FHL2: variants seen among roughly 807,000 people sequenced by gnomAD.
FHL2 encodes the protein four and a half LIM domains 2.
Under a neutral mutation model 32.7 loss-of-function variants are expected in FHL2, and 20 were observed. The ratio of observed to expected loss-of-function variants is 0.61; its 90% CI spans 0.43 to 0.89. The LOEUF (loss-of-function observed/expected upper bound fraction) is 0.89, where lower values mean the gene tolerates loss of function less well. FHL2 is among the 40% of genes least tolerant of loss of function. The pLI is 0.00. For synonymous variants in FHL2, 123 were observed against 128.1 expected, an observed-to-expected ratio of 0.96 and a Z score of 0.27; for missense variants, 311 against 358.6, an observed-to-expected ratio of 0.87 and a Z score of 1.07.
intron 1 of FHL2, among the ~76,000 whole-genome samples, chr2:105,404,831 T>G (rs1375436360): frequency 6.6e-6 from 1 of 152,218 alleles, no homozygotes; most frequent in African/African-American, 2.4e-5. Context: ...CCCTCTCTCC[T>G]TTTTCACAAA....
intron 1 of FHL2, among the ~76,000 whole-genome samples, chr2:105,430,834 A>G (rs985275964): frequency 1.3e-5 from 2 of 152,240 alleles, no homozygotes; most frequent in Non-Finnish European, 2.9e-5. Context: ...TACAGAGGCC[A>G]AGATGAATCA....
intron 4 of FHL2, among the ~76,000 whole-genome samples, chr2:105,372,877 C>T (rs1405405495): frequency 6.6e-6 from 1 of 152,164 alleles, no homozygotes; most frequent in Non-Finnish European, 1.5e-5. Context: ...TTTTGAAATT[C>T]CACATATTTT....
intron 2 of FHL2, among the ~76,000 whole-genome samples, chr2:105,394,173 C>A (rs1682948996): frequency 6.6e-6 from 1 of 152,166 alleles, no homozygotes; most frequent in African/African-American, 2.4e-5. Context: ...CGCTCACCCC[C>A]AACACTCTTC....
At chr2:105,379,812 C>G (rs971624365) in intron 3 of FHL2, among the ~76,000 whole-genome samples, 2 of 152,236 alleles carry the variant, frequency 1.3e-5, no homozygotes, top group African/African-American at 4.8e-5. Context: ...GGCTGCAAGT[C>G]CCAGCTGAAA....
chr2:105,412,895 G>A (rs1478096725), intron 1 of FHL2, among the ~76,000 whole-genome samples: 1 of 152,198 alleles, frequency 6.6e-6, no homozygotes, highest in African/African-American at 2.4e-5. Flanking sequence ...GCACATTGCA[G>A]TGGGCTGAGG....
intron 1 of FHL2, among the ~76,000 whole-genome samples, chr2:105,435,642 C>T (rs1444807403): frequency 3.3e-5 from 5 of 151,874 alleles, no homozygotes; most frequent in Non-Finnish European, 5.9e-5. Flanking sequence ...GCCAACATGA[C>T]GAAACACTGT....
intron 3 of FHL2, chr2:105,377,985 T>C: frequency 2.2e-6 from 1 of 458,498 alleles, no homozygotes; most frequent in South Asian, 1.6e-5. Context: ...AATTTGCCTT[T>C]TGGGACTGAC....
At chr2:105,423,490 C>G (rs926556462) in intron 1 of FHL2, among the ~76,000 whole-genome samples, 1 of 152,188 alleles carries the variant, frequency 6.6e-6, no homozygotes, top group African/African-American at 2.4e-5. Flanking sequence ...TGATAGACAA[C>G]AGTTGCTTCT....
chr2:105,389,397 C>T (rs1682555736), intron 2 of FHL2, among the ~76,000 whole-genome samples: 1 of 152,166 alleles, frequency 6.6e-6, no homozygotes. Context: ...CAATTGAGAG[C>T]TGTTTTTCCA....
At chr2:105,376,910 C>T (rs951833132) in intron 3 of FHL2, among the ~76,000 whole-genome samples, 6 of 152,320 alleles carry the variant, frequency 3.9e-5, no homozygotes, top group East Asian at 1.9e-4. Flanking sequence ...AACGACAAAT[C>T]GGTCACAAAA....
rs902155487 is a variant in FHL2 at position 105,436,198 on chromosome 2, T to TA, written c.-25+2200dup. Among the ~76,000 whole-genome samples, 38 of 151,508 alleles carry TA rather than the reference T, an allele frequency of 2.5e-4. 1 individual carries two copies. The highest frequency in any genetic ancestry group is 1.0e-3 in the South Asian group (5 of 4,792). On this transcript the variant is annotated intron_variant, in intron 1 of 5. Transcript: ENST00000393352. ...GGAGGTGCTGACAAATCAACGGTAA[T>TA]AAAAAAAAATCAGTAAACCAGATTT...
At chr2:105,365,249 C>T (rs888668846) in intron 5 of FHL2, among the ~76,000 whole-genome samples, 1 of 152,182 alleles carries the variant, frequency 6.6e-6, no homozygotes, top group Non-Finnish European at 1.5e-5. Context: ...TAACTACTGA[C>T]GGGTTTGACA....
intron 3 of FHL2, among the ~76,000 whole-genome samples, chr2:105,384,423 G>T (rs1338385055): frequency 6.6e-6 from 1 of 152,208 alleles, no homozygotes; most frequent in South Asian, 2.1e-4. Flanking sequence ...CCTGTCAGCT[G>T]CTAGAAGAGT....
At chr2:105,370,033 C>T (rs187549169) in intron 4 of FHL2, among the ~76,000 whole-genome samples, 2 of 152,334 alleles carry the variant, frequency 1.3e-5, no homozygotes, top group Admixed American at 6.5e-5. Context: ...AAGTCTCCCG[C>T]AGGCGGAAGC....
intron 4 of FHL2, among the ~76,000 whole-genome samples, chr2:105,372,677 T>C (rs1681165172): frequency 6.6e-6 from 1 of 152,112 alleles, no homozygotes; most frequent in Non-Finnish European, 1.5e-5. Flanking sequence ...TAGTCTCAGC[T>C]ACTTAGGAGG....
upstream of FHL2, among the ~76,000 whole-genome samples, chr2:105,400,250 G>C (rs995116748): frequency 6.6e-5 from 10 of 152,186 alleles, no homozygotes; most frequent in African/African-American, 2.4e-4. Context: ...AGATGGCAAA[G>C]CCATGTAAGT....
Position 105,373,699 on chromosome 2 carries a change from G to C in FHL2, c.191C>G (p.Ala64Gly), listed in dbSNP as rs533310258. The C allele has an allele frequency of 5.0e-6, 8 of 1,614,190 alleles. No homozygotes were observed. The Admixed American group carries it at 8.3e-5, about 17-fold the overall frequency. ...TCTGCACTGCGAGCAGTGGAAACAGGCTTCATGCCAGTGCCGGTCCTTGTA... is the reference window on the plus strand; with the variant it reads ...TCTGCACTGCGAGCAGTGGAAACAGCCTTCATGCCAGTGCCGGTCCTTGTA... ...LSYKDRHWHE[A>G]CFHCSQCRNS... Residue 64 changes from alanine (A) to glycine (G), a missense_variant, in exon 4 of 7, where the codon GCC (alanine) becomes GGC (glycine). Ala to Gly is a moderately conservative substitution (Grantham distance 60). Coordinates refer to ENST00000530340, the MANE Select transcript of FHL2 (RefSeq NM_001318895.3).
chr2:105,391,665 G>T (rs1287128247), intron 2 of FHL2, among the ~76,000 whole-genome samples: 1 of 152,134 alleles, frequency 6.6e-6, no homozygotes, highest in Non-Finnish European at 1.5e-5. Flanking sequence ...CAAGACAGGG[G>T]GCAATGACTC....
At chr2:105,388,720 G>C (rs1442153760) in intron 2 of FHL2, among the ~76,000 whole-genome samples, 2 of 151,892 alleles carry the variant, frequency 1.3e-5, no homozygotes, top group Admixed American at 6.5e-5. Flanking sequence ...TGTAATCCCA[G>C]CTACTCAGGA....
Sources: allele counts gnomAD v4.1 joint callset (sites outside exome capture counted in the v4.1 genomes callset), GRCh38; gene constraint gnomAD v4.1.1; transcripts MANE v1.5; gene names NCBI Gene and HGNC (gene_info 2026-07-23, HGNC 2026-07-21).